The following BLMH variants were observed in gnomAD, a reference collection of about 807,000 sequenced individuals.
BLMH encodes the protein bleomycin hydrolase.
Under a neutral mutation model 61.6 loss-of-function variants are expected in BLMH, and 32 were observed. The ratio of observed to expected loss-of-function variants is 0.52; its 90% confidence interval spans 0.39 to 0.70. BLMH has a LOEUF of 0.70. BLMH is among the 30% of genes least tolerant of loss of function. The probability of loss-of-function intolerance (pLI) is 0.00; values close to 1 mark genes in which losing one functional copy is unlikely to be tolerated. For missense variants in BLMH, 460 were observed against 555.5 expected, an observed-to-expected ratio of 0.83 and a Z score of 1.73; for synonymous variants, 183 against 193.8, an observed-to-expected ratio of 0.94 and a Z score of 0.46.
intron 11 of BLMH, among the ~76,000 whole-genome samples, chr17:30,257,397 C>T (rs1337273834): frequency 6.6e-6 from 1 of 151,934 alleles, no homozygotes; most frequent in Non-Finnish European, 1.5e-5. Context: ...ACCTAGTGTG[C>T]TACCACTAGT....
At chr17:30,265,346 A>G (rs971629893) in intron 11 of BLMH, among the ~76,000 whole-genome samples, 2 of 152,198 alleles carry the variant, frequency 1.3e-5, no homozygotes, top group African/African-American at 4.8e-5. Flanking sequence ...ACTCAGCTTA[A>G]CAGGCTCTTC....
At chr17:30,253,160 TGAA>T (rs1032179894) in intron 11 of BLMH, among the ~76,000 whole-genome samples, 1 of 152,124 alleles carries the variant, frequency 6.6e-6, no homozygotes. Context: ...GTTAGGCAGG[TGAA>T]GGATAGAAGC....
chr17:30,259,787 C>A (rs1482597075), intron 11 of BLMH, among the ~76,000 whole-genome samples: 1 of 152,150 alleles, frequency 6.6e-6, no homozygotes, highest in Non-Finnish European at 1.5e-5. Context: ...GTTGATGCTA[C>A]TGCTAATGGT....
intron 6 of BLMH, among the ~76,000 whole-genome samples, chr17:30,280,459 ACAAT>A (rs543998818): frequency 2.0e-4 from 31 of 152,152 alleles, no homozygotes; most frequent in Non-Finnish European, 3.8e-4. Flanking sequence ...GCAAAACCCT[ACAAT>A]CATTTACCCC....
At chr17:30,260,498 T>A (rs1404854841) in intron 11 of BLMH, among the ~76,000 whole-genome samples, 1 of 152,032 alleles carries the variant, frequency 6.6e-6, no homozygotes, top group East Asian at 1.9e-4. Flanking sequence ...AACTGGAGAG[T>A]ATGTGCTTCC....
At chr17:30,274,579 C>T (rs1327683506) in intron 6 of BLMH, among the ~76,000 whole-genome samples, 3 of 152,104 alleles carry the variant, frequency 2.0e-5, no homozygotes, top group Admixed American at 1.3e-4. Context: ...AATGGATTTC[C>T]TTCCCTTTAT....
chr17:30,266,825 A>C, intron 11 of BLMH, 60 bp downstream of exon 11: 1 of 1,481,184 alleles, frequency 6.8e-7, no homozygotes, highest in Non-Finnish European at 9.4e-7. Flanking sequence ...CTTGACACCC[A>C]GACAGGCAGA....
intron 6 of BLMH, 39 bp from the exon 7 acceptor site, chr17:30,274,236 G>A (rs1468992892): frequency 1.9e-6 from 3 of 1,584,816 alleles, no homozygotes; most frequent in Admixed American, 3.8e-5. Context: ...AATGGTTAGG[G>A]GGAAATGTTA....
intron 6 of BLMH, 125 bp from the exon 7 acceptor site, chr17:30,274,322 AC>A: frequency 8.9e-7 from 1 of 1,119,332 alleles, no homozygotes; most frequent in East Asian, 2.5e-5. Flanking sequence ...TAAAAATTTC[AC>A]AAGAAATCTA....
At position 30,265,301 on chromosome 17, in the gene BLMH, C is replaced by T. The variant is rs541655228; in HGVS notation, c.1216+1584G>A. ...GGCTATCACATACAAGCCTGTGCTGCCCAATCAGCATACTAAAATGCTGTC... is the reference window on the plus strand; with the variant it reads ...GGCTATCACATACAAGCCTGTGCTGTCCAATCAGCATACTAAAATGCTGTC... On this transcript the variant is annotated intron_variant, in intron 11 of 11. Coordinates refer to ENST00000261714, the MANE Select transcript of BLMH (RefSeq NM_000386.4). Among the ~76,000 whole-genome samples the T allele has an allele frequency of 3.3e-4, 50 of 152,288 alleles. No homozygotes were observed. In the South Asian group the frequency reaches 7.3e-3, roughly 22 times the overall value.
At position 30,251,619 on chromosome 17, in the gene BLMH, G is replaced by A. The variant is rs998651866; in HGVS notation, c.1217-2451C>T. ...TCCCACTACACAGGACCAAGAGAAC[G>A]GAGAAGTAGGTGTTTCTAGCAAGAG... On this transcript the variant is annotated intron_variant, in intron 11 of 11. Transcript: ENST00000261714. 4.6e-5 allele frequency among the ~76,000 whole-genome samples: 7 copies of A among 152,250 alleles called. 1 individual carries two copies. In the South Asian group the frequency reaches 1.2e-3, roughly 27 times the overall value.
At position 30,291,492 on chromosome 17, in the gene BLMH, C is replaced by G. The variant is rs748676596; in HGVS notation, c.30G>C (p.Lys10Asn). The change falls in exon 2 of 12, where the codon AAG becomes AAC. Residue 10 changes from lysine to asparagine, a missense_variant. Lys to Asn is a moderately conservative substitution (Grantham distance 94, BLOSUM62 0). Around this residue, in one of 5 missense-constraint regions of BLMH, gnomAD observed 86 missense variants for 84.5 expected, o/e 1.02. Coordinates refer to ENST00000261714, the MANE Select transcript of BLMH (RefSeq NM_000386.4). MSSSGLNSE[K>N]VAALIQKLNS... ...TCAGTTTCTGTATCAGAGCAGCTAC[C>G]TTCTCCGAATTCAGTCCTGTTGGGA... is the stretch of plus-strand genomic sequence containing the variant. 1.2e-6 allele frequency: 2 copies of G among 1,614,084 alleles called. No individual in the cohort carries two copies. Among genetic ancestry groups the G allele is most frequent in the Non-Finnish European group, 1.7e-6 (2 of 1,180,030 alleles).
intron 5 of BLMH, among the ~76,000 whole-genome samples, chr17:30,286,454 T>C (rs1021075062): frequency 6.6e-6 from 1 of 152,224 alleles, no homozygotes; most frequent in African/African-American, 2.4e-5. Flanking sequence ...ATAGCTCTTT[T>C]TGGTTTTACT....
At chr17:30,273,194 T>A (rs1908326425) in intron 7 of BLMH, 1 of 233,280 alleles carries the variant, frequency 4.3e-6, no homozygotes, top group Admixed American at 5.3e-5. Flanking sequence ...TGAGACAGAA[T>A]CTCACTCTGT....
intron 11 of BLMH, among the ~76,000 whole-genome samples, chr17:30,255,435 TAATA>T (rs1056613320): frequency 3.9e-5 from 6 of 152,238 alleles, no homozygotes; most frequent in African/African-American, 1.4e-4. Context: ...TTAATTTTAT[TAATA>T]AATAAATGTA....
intron 11 of BLMH, among the ~76,000 whole-genome samples, chr17:30,259,289 G>T (rs1455983463): frequency 6.6e-6 from 1 of 152,186 alleles, no homozygotes; most frequent in Non-Finnish European, 1.5e-5. Context: ...TAATAGGACA[G>T]CTGGGCTTGC....
At chr17:30,289,907 T>C (rs1297093507) in intron 2 of BLMH, among the ~76,000 whole-genome samples, 4 of 152,190 alleles carry the variant, frequency 2.6e-5, no homozygotes, top group East Asian at 3.8e-4. Context: ...AATATGTTTA[T>C]AATATATTGG....
chr17:30,284,621 A>G (rs1363650896), intron 6 of BLMH, among the ~76,000 whole-genome samples: 3 of 152,206 alleles, frequency 2.0e-5, no homozygotes, highest in Non-Finnish European at 4.4e-5. Flanking sequence ...CTTGATCATA[A>G]ATAATATTAC....
intron 11 of BLMH, among the ~76,000 whole-genome samples, chr17:30,266,349 A>C (rs1485757396): frequency 6.6e-6 from 1 of 151,886 alleles, no homozygotes; most frequent in East Asian, 1.9e-4. Context: ...AACACGGTGA[A>C]ACCCCGTCTC....
Sources: allele counts gnomAD v4.1 joint callset (sites outside exome capture counted in the v4.1 genomes callset), GRCh38; gene constraint gnomAD v4.1.1; regional missense constraint gnomAD v4.1.1; transcripts MANE v1.5; gene names NCBI Gene and HGNC (gene_info 2026-07-23, HGNC 2026-07-21).